Variants in MACROD2 observed in about 807,000 individuals in gnomAD.
The protein encoded by MACROD2 is mono-ADP ribosylhydrolase 2, also known as ADP-ribose glycohydrolase MACROD2.
Under a neutral mutation model 70.4 loss-of-function variants are expected in MACROD2, and 36 were observed. The ratio of observed to expected loss-of-function variants is 0.51; its 90% CI spans 0.39 to 0.68. The LOEUF (loss-of-function observed/expected upper bound fraction) is 0.68, where lower values mean the gene tolerates loss of function less well. Among genes scored for constraint, MACROD2 ranks in the 30% least tolerant of loss-of-function variants. MACROD2 has a pLI of 0.00. For missense variants in MACROD2, 496 were observed against 538.4 expected, an observed-to-expected ratio of 0.92 and a Z score of 0.78; for synonymous variants, 172 against 178.8, an observed-to-expected ratio of 0.96 and a Z score of 0.30.
At chr20:15,469,694 C>A (rs1428125640) in intron 7 of MACROD2, among the ~76,000 whole-genome samples, 5 of 152,188 alleles carry the variant, frequency 3.3e-5, no homozygotes, top group Admixed American at 1.3e-4. Flanking sequence ...AAGAGCATGT[C>A]CAGAAGACAA....
At chr20:14,489,774 G>C (rs2084773508) in intron 3 of MACROD2, among the ~76,000 whole-genome samples, 1 of 151,952 alleles carries the variant, frequency 6.6e-6, no homozygotes. Context: ...TCTTGGGTGG[G>C]GTAGAAATGG....
chr20:14,618,235 A>G (rs955258518), intron 4 of MACROD2, among the ~76,000 whole-genome samples: 1 of 152,116 alleles, frequency 6.6e-6, no homozygotes. Flanking sequence ...GGAATTCAAA[A>G]TAGCAGTTGC....
intron 9 of MACROD2, among the ~76,000 whole-genome samples, chr20:15,880,859 A>T (rs983526613): frequency 6.6e-6 from 1 of 151,980 alleles, no homozygotes; most frequent in Non-Finnish European, 1.5e-5. Flanking sequence ...CTAGGCATCT[A>T]CTGTAGCCTT....
At chr20:14,052,877 A>C (rs775803529) in intron 2 of MACROD2, among the ~76,000 whole-genome samples, 2 of 152,178 alleles carry the variant, frequency 1.3e-5, no homozygotes, top group Non-Finnish European at 1.5e-5. Context: ...GTTGTTTTTG[A>C]AAACTTACAG....
At chr20:14,072,644 C>A (rs2053862229) in intron 2 of MACROD2, among the ~76,000 whole-genome samples, 2 of 151,854 alleles carry the variant, frequency 1.3e-5, no homozygotes. Context: ...ATTAGAAGAG[C>A]ATGTAGATTG....
intron 3 of MACROD2, among the ~76,000 whole-genome samples, chr20:14,093,981 T>G (rs1358735733): frequency 6.6e-6 from 1 of 151,942 alleles, no homozygotes; most frequent in Non-Finnish European, 1.5e-5. Flanking sequence ...GGCTGAGGTT[T>G]TTTTTTTTAA....
chr20:15,749,992 A>G (rs1022056538), intron 8 of MACROD2, among the ~76,000 whole-genome samples: 1 of 152,154 alleles, frequency 6.6e-6, no homozygotes, highest in Non-Finnish European at 1.5e-5. Context: ...CAGAAACAAA[A>G]GTAGACAAAT....
chr20:14,908,379 G>A (rs933011889), intron 5 of MACROD2, among the ~76,000 whole-genome samples: 1 of 151,932 alleles, frequency 6.6e-6, no homozygotes, highest in East Asian at 1.9e-4. Flanking sequence ...TGTCGGCCAC[G>A]CATGGTGGCT....
intron 8 of MACROD2, among the ~76,000 whole-genome samples, chr20:15,531,139 G>C (rs1000343876): frequency 4.0e-5 from 6 of 151,322 alleles, no homozygotes; most frequent in African/African-American, 1.5e-4. Flanking sequence ...AAATGAAATC[G>C]ATAAATGTAT....
intron 3 of MACROD2, among the ~76,000 whole-genome samples, chr20:14,206,827 A>C (rs2081527982): frequency 6.6e-6 from 1 of 151,928 alleles, no homozygotes; most frequent in African/African-American, 2.4e-5. Flanking sequence ...CCATTATATC[A>C]ATTTTACCAA....
At chr20:14,288,733 C>A (rs1601438946) in intron 3 of MACROD2, among the ~76,000 whole-genome samples, 1 of 152,170 alleles carries the variant, frequency 6.6e-6, no homozygotes, top group Non-Finnish European at 1.5e-5. Flanking sequence ...CTTGAAATCA[C>A]CCCAGGTCCA....
At chr20:14,018,837 C>T (rs1002843091) in intron 2 of MACROD2, among the ~76,000 whole-genome samples, 6 of 152,120 alleles carry the variant, frequency 3.9e-5, no homozygotes, top group African/African-American at 1.2e-4. Flanking sequence ...ATTATGGCAC[C>T]AGCCTTTGAT....
chr20:15,377,266 CAGTT>C lies in MACROD2; in HGVS notation c.541-54136_541-54133del, dbSNP rs202109824. ...TGTAAAACTCATTTCTATTAGAAAA[CAGTT>C]AGATTTCTAGAGTCTCTTCCTACTC... On this transcript the variant is annotated intron_variant, in intron 6 of 17. Coordinates refer to ENST00000684519, the MANE Select transcript of MACROD2 (RefSeq NM_001351661.2). 7.7e-3 allele frequency among the ~76,000 whole-genome samples: 1,164 copies of C among 151,912 alleles called. 12 individuals carry two copies. The highest frequency in any genetic ancestry group is 0.027 in the African/African-American group (1,108 of 41,406).
chr20:14,839,712 T>C (rs995907710), intron 5 of MACROD2, among the ~76,000 whole-genome samples: 7 of 152,088 alleles, frequency 4.6e-5, no homozygotes, highest in African/African-American at 1.7e-4. Flanking sequence ...GTAAAACTTA[T>C]ATTTGGAAGA....
chr20:15,651,031 T>G (rs111784515), intron 8 of MACROD2, among the ~76,000 whole-genome samples: 209 of 152,340 alleles, frequency 1.4e-3, no homozygotes, highest in African/African-American at 4.7e-3. Flanking sequence ...AAATTATTTT[T>G]GCTTGGAGAA....
rs151306253 is a variant in MACROD2, at chr20:15,138,599, A to G, written c.419-91341A>G. Among the ~76,000 whole-genome samples, 4 of 152,330 alleles carry G rather than the reference A, an allele frequency of 2.6e-5. No homozygotes were observed. The East Asian group carries it at 7.7e-4, about 29-fold the overall frequency. On this transcript the variant is annotated intron_variant, in intron 5 of 17. Transcript: ENST00000684519. ...TTTTCTCTCAAATAATTCAACCTTC[A>G]AAAAGAAACCTTCCATGTTGTTATT...
intron 8 of MACROD2, among the ~76,000 whole-genome samples, chr20:15,707,284 G>A (rs1174141607): frequency 6.6e-6 from 1 of 152,192 alleles, no homozygotes; most frequent in African/African-American, 2.4e-5. Context: ...GGTATGCTCA[G>A]GGGAGATATG....
chr20:15,026,767 C>T (rs2075235191), intron 5 of MACROD2, among the ~76,000 whole-genome samples: 1 of 152,064 alleles, frequency 6.6e-6, no homozygotes, highest in African/African-American at 2.4e-5. Context: ...ATTGCATGGG[C>T]CTGACCAATA....
chr20:14,312,772 G>T lies in MACROD2; in HGVS notation c.272-180707G>T, dbSNP rs185302760. 3.1e-3 allele frequency among the ~76,000 whole-genome samples: 472 copies of T among 152,254 alleles called. 6 individuals carry two copies. In the Middle Eastern group the frequency reaches 0.034, roughly 11 times the overall value. Reference sequence around the variant, plus strand: ...TACCAATTCTATAAAGTGGGATTACGAAAGGCAAATTCAGAGATATTAAGT... The same window carrying T: ...TACCAATTCTATAAAGTGGGATTACTAAAGGCAAATTCAGAGATATTAAGT... On this transcript the variant is annotated intron_variant, in intron 3 of 17. Coordinates refer to ENST00000684519, the MANE Select transcript of MACROD2 (RefSeq NM_001351661.2).
Sources: gnomAD v4.1 joint callset for allele counts (sites outside exome capture counted in the v4.1 genomes callset) on GRCh38, gnomAD v4.1.1 for gene constraint, MANE v1.5 for transcripts, NCBI Gene and HGNC (gene_info 2026-07-23, HGNC 2026-07-21) for gene names.